NOL4: variants seen among roughly 807,000 people sequenced by gnomAD.
NOL4 encodes cancer/testis antigen 125.
NOL4 carries 17 observed loss-of-function variants against 75.9 expected under a neutral mutation model. The ratio of observed to expected loss-of-function variants is 0.22; its 90% confidence interval spans 0.15 to 0.34. The LOEUF is 0.34. Among genes scored for constraint, NOL4 ranks in the 10% least tolerant of loss-of-function variants. The pLI, the probability that NOL4 is intolerant of heterozygous loss-of-function variation, is 1.00. For synonymous variants in NOL4, 292 were observed against 289.9 expected (o/e 1.01, Z -0.07); for missense variants, 614 against 793.5 (o/e 0.77, Z 2.72).
intron 5 of NOL4, among the ~76,000 whole-genome samples, chr18:34,079,333 A>G (rs1343246923): frequency 3.3e-5 from 5 of 151,900 alleles, no homozygotes; most frequent in Non-Finnish European, 5.9e-5. Flanking sequence ...CAGATTCAGG[A>G]CTTCTGTGTC....
intron 1 of NOL4, among the ~76,000 whole-genome samples, chr18:34,164,757 C>T (rs1600769853): frequency 6.6e-6 from 1 of 151,718 alleles, no homozygotes; most frequent in Admixed American, 6.6e-5. Context: ...ACCCAAAGGA[C>T]TATAAATCAT....
At chr18:33,961,824 T>C (rs930741030) in intron 6 of NOL4, among the ~76,000 whole-genome samples, 9 of 152,052 alleles carry the variant, frequency 5.9e-5, no homozygotes, top group Non-Finnish European at 1.3e-4. Context: ...TGTTGAGTTT[T>C]GGAATCTCAG....
At chr18:33,987,694 A>T (rs1409925377) in intron 6 of NOL4, among the ~76,000 whole-genome samples, 1 of 152,158 alleles carries the variant, frequency 6.6e-6, no homozygotes, top group Non-Finnish European at 1.5e-5. Flanking sequence ...ACCCAAAGTG[A>T]CAAAGGTATT....
chr18:33,893,904 T>G (rs2065244040), intron 9 of NOL4, among the ~76,000 whole-genome samples: 1 of 152,118 alleles, frequency 6.6e-6, no homozygotes, highest in African/African-American at 2.4e-5. Context: ...CACTGTAAAA[T>G]AGTAAACAAG....
intron 2 of NOL4, among the ~76,000 whole-genome samples, chr18:34,107,164 A>G (rs1156776296): frequency 6.6e-6 from 1 of 152,146 alleles, no homozygotes; most frequent in Non-Finnish European, 1.5e-5. Flanking sequence ...GGATAGATTT[A>G]TCATTGACCT....
At chr18:34,096,851 T>C (rs552262635) in intron 4 of NOL4, among the ~76,000 whole-genome samples, 17 of 152,288 alleles carry the variant, frequency 1.1e-4, no homozygotes, top group African/African-American at 3.8e-4. Context: ...CTCAAAACCT[T>C]TGTTATTGAG....
chr18:34,117,191 C>T (rs74413500), intron 2 of NOL4, among the ~76,000 whole-genome samples: 10 of 152,034 alleles, frequency 6.6e-5, no homozygotes, highest in African/African-American at 2.2e-4. Flanking sequence ...AACAGTCCCA[C>T]GAATAGATTA....
chr18:34,061,521 A>C (rs2077060751), intron 5 of NOL4, among the ~76,000 whole-genome samples: 1 of 152,130 alleles, frequency 6.6e-6, no homozygotes, highest in African/African-American at 2.4e-5. Flanking sequence ...AATATTACCT[A>C]AAAGGTCAAC....
At chr18:33,995,027 T>C (rs1173912313) in intron 6 of NOL4, among the ~76,000 whole-genome samples, 1 of 151,570 alleles carries the variant, frequency 6.6e-6, no homozygotes, top group African/African-American at 2.4e-5. Flanking sequence ...TTAGATGACA[T>C]GGAAAAACTC....
intron 6 of NOL4, among the ~76,000 whole-genome samples, chr18:33,977,869 A>C (rs2071626756): frequency 6.6e-6 from 1 of 152,106 alleles, no homozygotes; most frequent in South Asian, 2.1e-4. Context: ...GTTTTCCCTG[A>C]CTGGAAAAAG....
chr18:33,878,562 A>C (rs574177631), intron 10 of NOL4, among the ~76,000 whole-genome samples: 1 of 152,196 alleles, frequency 6.6e-6, no homozygotes, highest in Admixed American at 6.6e-5. Context: ...CCCCAAAACT[A>C]TCTAGCTATA....
intron 2 of NOL4, among the ~76,000 whole-genome samples, chr18:34,128,305 GGTTTTT>G (rs1180571986): frequency 6.6e-6 from 1 of 151,760 alleles, no homozygotes; most frequent in East Asian, 1.9e-4. Context: ...TTGTTATTTT[GGTTTTT>G]GTTTTTATTC....
At chr18:34,084,543 G>T (rs912869027) in intron 5 of NOL4, among the ~76,000 whole-genome samples, 1 of 152,110 alleles carries the variant, frequency 6.6e-6, no homozygotes, top group Non-Finnish European at 1.5e-5. Flanking sequence ...ATATTTTATT[G>T]TATTTCAAAT....
intron 9 of NOL4, among the ~76,000 whole-genome samples, chr18:33,921,479 G>A (rs189273991): frequency 6.6e-6 from 1 of 152,224 alleles, no homozygotes; most frequent in African/African-American, 2.4e-5. Flanking sequence ...TTGAAAAAAG[G>A]GACTTTGCAA....
chr18:34,104,903 A>G, intron 3 of NOL4, 146 bp downstream of exon 3: 1 of 537,480 alleles, frequency 1.9e-6, no homozygotes, highest in Non-Finnish European at 3.3e-6. Flanking sequence ...GTGGATATTC[A>G]AAATTCACTG....
intron 10 of NOL4, among the ~76,000 whole-genome samples, chr18:33,861,194 G>C (rs1305122255): frequency 6.6e-6 from 1 of 152,160 alleles, no homozygotes. Context: ...GATTGGAATA[G>C]TTTCAGAAGG....
At chr18:34,008,874 C>A (rs868570619) in intron 6 of NOL4, among the ~76,000 whole-genome samples, 95 of 152,062 alleles carry the variant, frequency 6.2e-4, no homozygotes, top group African/African-American at 2.2e-3. Flanking sequence ...AAGAAATTAC[C>A]AGAATGAAAA....
intron 5 of NOL4, chr18:34,023,599 G>A: frequency 2.7e-6 from 1 of 364,942 alleles, no homozygotes; most frequent in South Asian, 2.0e-5. Flanking sequence ...CTGTATATGA[G>A]TCCCAAGGAA....
chr18:33,983,785 T>G (rs1004582032), intron 6 of NOL4, among the ~76,000 whole-genome samples: 2 of 152,014 alleles, frequency 1.3e-5, no homozygotes, highest in Non-Finnish European at 2.9e-5. Flanking sequence ...TTCTTTAACA[T>G]GAAGTTAAAC....
Sources: gnomAD v4.1 joint callset for allele counts (sites outside exome capture counted in the v4.1 genomes callset) on GRCh38, gnomAD v4.1.1 for gene constraint, MANE v1.5 for transcripts, NCBI Gene and HGNC (gene_info 2026-07-23, HGNC 2026-07-21) for gene names.